OR2L13: variants seen among roughly 807,000 people sequenced by gnomAD.
OR2L13 encodes olfactory receptor family 2 subfamily L member 13, also known as olfactory receptor 2L13.
A neutral mutation model predicts 15.3 loss-of-function variants in OR2L13; 14 were observed. That is an observed-to-expected ratio of 0.91 (90% CI 0.60 to 1.43). OR2L13 has a LOEUF of 1.43. OR2L13 is among the 40% of genes most tolerant of loss of function. The pLI is 0.00. For missense variants in OR2L13, 367 were observed against 387.9 expected (o/e 0.95, Z 0.45); for synonymous variants, 152 against 142.9 (o/e 1.06, Z -0.45).
chr1:247,968,600 T>A, the OR2L13 span, among the ~76,000 whole-genome samples: 2 of 150,644 alleles, frequency 1.3e-5, no homozygotes, highest in South Asian at 4.2e-4. Flanking sequence ...TGGTGTTTGG[T>A]TTTCTGTCCT....
exon 3 of OR2L13, chr1:248,099,808 G>A: frequency 6.2e-7 from 1 of 1,614,040 alleles, no homozygotes; most frequent in South Asian, 1.1e-5. Flanking sequence ...GAAGATGATT[G>A]GAGGCTCTTG....
chr1:248,027,222 G>A, the OR2L13 span, among the ~76,000 whole-genome samples: 1 of 152,144 alleles, frequency 6.6e-6, no homozygotes, highest in Non-Finnish European at 1.5e-5. Context: ...GTGCTCCCAG[G>A]CTTATTAGGA....
the OR2L13 span, among the ~76,000 whole-genome samples, chr1:247,987,250 A>G: frequency 6.6e-6 from 1 of 152,172 alleles, no homozygotes; most frequent in Admixed American, 6.6e-5. Context: ...TTTGTTAATT[A>G]TTTGTAACAG....
chr1:248,004,142 T>A, the OR2L13 span: 1 of 1,270,144 alleles, frequency 7.9e-7, no homozygotes, highest in Non-Finnish European at 1.1e-6. Context: ...TAAAATATCA[T>A]TTCATTCCTA....
chr1:247,959,699 T>C, the OR2L13 span, among the ~76,000 whole-genome samples: 1 of 152,226 alleles, frequency 6.6e-6, no homozygotes, highest in Non-Finnish European at 1.5e-5. Flanking sequence ...CATTTGATAT[T>C]CCATCACTGA....
the OR2L13 span, among the ~76,000 whole-genome samples, chr1:247,937,884 T>G: frequency 6.6e-6 from 1 of 152,224 alleles, no homozygotes; most frequent in Non-Finnish European, 1.5e-5. Flanking sequence ...ATATGAAACT[T>G]TAATGAAAAA....
At chr1:247,979,313 G>A in the OR2L13 span, among the ~76,000 whole-genome samples, 2 of 151,890 alleles carry the variant, frequency 1.3e-5, no homozygotes, top group Non-Finnish European at 2.9e-5. Flanking sequence ...CCTCCCTCAG[G>A]CCACCACCCC....
the OR2L13 span, among the ~76,000 whole-genome samples, chr1:248,078,659 T>G: frequency 6.6e-6 from 1 of 152,168 alleles, no homozygotes; most frequent in South Asian, 2.1e-4. Context: ...TTCAAAAACC[T>G]GTACATGAAG....
exon 3 of OR2L13, chr1:248,099,644 G>C: frequency 6.2e-7 from 1 of 1,614,094 alleles, no homozygotes; most frequent in Non-Finnish European, 8.5e-7. Context: ...GGCCAGAAAG[G>C]CATCTCCTTC....
At chr1:248,089,262 A>G in the OR2L13 span, among the ~76,000 whole-genome samples, 1 of 152,152 alleles carries the variant, frequency 6.6e-6, no homozygotes, top group Non-Finnish European at 1.5e-5. Flanking sequence ...GAAGCTCCGG[A>G]AGGGTCCCAA....
the OR2L13 span, among the ~76,000 whole-genome samples, chr1:248,007,979 T>G: frequency 2.0e-5 from 3 of 152,132 alleles, no homozygotes; most frequent in Admixed American, 1.3e-4. Flanking sequence ...CTCAGCATAT[T>G]TATTAGTTTG....
the OR2L13 span, among the ~76,000 whole-genome samples, chr1:247,953,033 T>G: frequency 1.3e-5 from 2 of 152,092 alleles, no homozygotes; most frequent in Middle Eastern, 3.2e-3. Context: ...CCCTCTAACA[T>G]GCTGTCTTCA....
chr1:247,997,028 A>G, the OR2L13 span: 142 of 152,306 alleles, frequency 9.3e-4, no homozygotes, highest in African/African-American at 3.3e-3. Flanking sequence ...GGTGTTTACA[A>G]TTGATCACAA....
chr1:247,943,027 A>G, the OR2L13 span, among the ~76,000 whole-genome samples: 1 of 152,138 alleles, frequency 6.6e-6, no homozygotes, highest in East Asian at 1.9e-4. Flanking sequence ...TTCGAGGTTC[A>G]TCCATGTTGT....
At chr1:248,060,557 C>T in the OR2L13 span, 1 of 730,034 alleles carries the variant, frequency 1.4e-6, no homozygotes, top group Non-Finnish European at 2.4e-6. Flanking sequence ...ATATAGGGCT[C>T]AGTGTCAACT....
the OR2L13 span, chr1:248,042,066 T>C: frequency 3.9e-5 from 6 of 152,098 alleles, no homozygotes; most frequent in Admixed American, 6.6e-5. Context: ...CTATGTTTAT[T>C]GCGGCACTAT....
At chr1:247,949,880 G>T in the OR2L13 span, 3 of 1,126,284 alleles carry the variant, frequency 2.7e-6, no homozygotes, top group African/African-American at 4.6e-5. Flanking sequence ...GTCCTTCCTA[G>T]AGTGCAGGAC....
the OR2L13 span, chr1:248,022,961 T>G: frequency 2.3e-6 from 3 of 1,310,512 alleles, no homozygotes; most frequent in East Asian, 2.3e-5. Flanking sequence ...AGAAAAACAT[T>G]ATTACATGCC....
the OR2L13 span, chr1:247,965,419 G>A: frequency 1.2e-6 from 2 of 1,612,872 alleles, 1 homozygote; most frequent in Non-Finnish European, 1.7e-6. Flanking sequence ...TTTTCTACTT[G>A]TTGGTCTTTT....
Sources: allele counts gnomAD v4.1 joint callset (sites outside exome capture counted in the v4.1 genomes callset), GRCh38; gene constraint gnomAD v4.1.1; transcripts MANE v1.5; gene names NCBI Gene and HGNC (gene_info 2026-07-23, HGNC 2026-07-21).